STK32B: variants seen among roughly 807,000 people sequenced by gnomAD.
STK32B encodes the protein serine/threonine-protein kinase 32B.
In STK32B, 43 loss-of-function variants were observed where a neutral mutation model predicts 52.6. The ratio of observed to expected loss-of-function variants is 0.82; its 90% CI spans 0.64 to 1.05. The LOEUF (loss-of-function observed/expected upper bound fraction) is 1.05. Ranked by LOEUF, STK32B falls within the 50% of genes least tolerant of loss-of-function variation. The pLI is 0.00. For synonymous variants in STK32B, 238 were observed against 204.3 expected (o/e 1.17, Z -1.41); for missense variants, 621 against 534.6 (o/e 1.16, Z -1.59).
chr4:5,051,709 C>A lies in STK32B; in HGVS notation c.-155C>A. Reference sequence around the variant, plus strand: ...GTCCAGGAGAAGGGGGACGCCGTCCCCGCCCCTGCACGGTGCTCGGCCCCC... The same window carrying A: ...GTCCAGGAGAAGGGGGACGCCGTCCACGCCCCTGCACGGTGCTCGGCCCCC... On this transcript the variant is annotated 5_prime_UTR_variant, in exon 1 of 12. Transcript: ENST00000282908. 1 of 911,166 alleles carries A rather than the reference C, an allele frequency of 1.1e-6. No homozygotes were observed. Among genetic ancestry groups the A allele is most frequent in the Non-Finnish European group, 1.6e-6 (1 of 627,840 alleles). 56.4% of individuals were successfully genotyped at this position (911,166 alleles called of 1,614,324 possible). A position where few individuals can be genotyped will look rare whatever the true frequency, so the allele number is the denominator to read the frequency against.
intron 11 of STK32B, among the ~76,000 whole-genome samples, chr4:5,471,930 C>A (rs565425308): frequency 6.6e-6 from 1 of 152,200 alleles, no homozygotes; most frequent in Non-Finnish European, 1.5e-5. Flanking sequence ...CTACTGGCTG[C>A]GGGATGCTCC....
rs569438011 is a variant in STK32B, at chr4:5,353,551, A to T, written c.434+22158A>T. Among the ~76,000 whole-genome samples the T allele has an allele frequency of 6.2e-3, 937 of 152,084 alleles. 5 individuals carry two copies. The highest frequency in any genetic ancestry group is 9.2e-3 in the Non-Finnish European group (626 of 68,002). ...ATACAAGGAACTCAACAGTAAAAAA[A>T]AAAAATAAAAATAAAAAGTGGGCAA... On this transcript the variant is annotated intron_variant, in intron 4 of 11. Transcript: ENST00000282908.
intron 1 of STK32B, among the ~76,000 whole-genome samples, chr4:5,097,455 A>G (rs1713465698): frequency 6.6e-6 from 1 of 152,104 alleles, no homozygotes; most frequent in Non-Finnish European, 1.5e-5. Context: ...TTCAACAGAA[A>G]TGTCTACACA....
chr4:5,375,895 G>T (rs984531674), intron 4 of STK32B, among the ~76,000 whole-genome samples: 12 of 152,300 alleles, frequency 7.9e-5, no homozygotes, highest in African/African-American at 2.9e-4. Flanking sequence ...AGGGAAGGAA[G>T]TAGGGGTTGG....
intron 1 of STK32B, among the ~76,000 whole-genome samples, chr4:5,086,349 A>T (rs959832354): frequency 2.6e-5 from 4 of 152,180 alleles, no homozygotes; most frequent in Non-Finnish European, 5.9e-5. Context: ...TCTGCAAATG[A>T]TGGAAGATTT....
intron 3 of STK32B, among the ~76,000 whole-genome samples, chr4:5,230,661 G>C (rs1724201565): frequency 1.3e-5 from 2 of 152,186 alleles, no homozygotes; most frequent in African/African-American, 4.8e-5. Flanking sequence ...GCCACATTTT[G>C]AGTGCTGATA....
chr4:5,113,116 T>A (rs1474946913), intron 1 of STK32B, among the ~76,000 whole-genome samples: 1 of 152,070 alleles, frequency 6.6e-6, no homozygotes, highest in African/African-American at 2.4e-5. Flanking sequence ...TAATCCCCAA[T>A]GTGATGGTGT....
chr4:5,260,379 C>A (rs1726633823), intron 3 of STK32B, among the ~76,000 whole-genome samples: 1 of 152,144 alleles, frequency 6.6e-6, no homozygotes, highest in African/African-American at 2.4e-5. Flanking sequence ...CCAGAAGGAG[C>A]ACACAGCTAG....
chr4:5,132,055 A>G (rs183322980), intron 1 of STK32B, among the ~76,000 whole-genome samples: 3 of 152,246 alleles, frequency 2.0e-5, no homozygotes, highest in East Asian at 3.9e-4. Context: ...GTTAGTTTGC[A>G]TGGGGTAATG....
intron 3 of STK32B, among the ~76,000 whole-genome samples, chr4:5,220,774 A>G (rs1262645541): frequency 1.3e-5 from 2 of 152,154 alleles, no homozygotes; most frequent in African/African-American, 2.4e-5. Context: ...GGAGGCAGAA[A>G]GAACAGAGGC....
chr4:5,483,281 T>C (rs1398908242), intron 11 of STK32B, among the ~76,000 whole-genome samples: 1 of 151,746 alleles, frequency 6.6e-6, no homozygotes, highest in East Asian at 1.9e-4. Context: ...TATTGGTCTA[T>C]TCAGAGATTC....
intron 1 of STK32B, among the ~76,000 whole-genome samples, chr4:5,075,669 G>A (rs1166366653): frequency 6.6e-6 from 1 of 151,926 alleles, no homozygotes; most frequent in African/African-American, 2.4e-5. Context: ...TAAAAAAATT[G>A]AAAAATTTAG....
intron 3 of STK32B, among the ~76,000 whole-genome samples, chr4:5,297,947 G>A (rs1577310052): frequency 6.6e-6 from 1 of 151,904 alleles, no homozygotes; most frequent in Non-Finnish European, 1.5e-5. Context: ...TGATGCTGAT[G>A]ACATTTGGAT....
intron 11 of STK32B, among the ~76,000 whole-genome samples, chr4:5,497,078 A>G (rs982465651): frequency 5.9e-5 from 9 of 152,206 alleles, no homozygotes; most frequent in African/African-American, 1.4e-4. Flanking sequence ...CAAGATATCA[A>G]TGAGCTATCA....
chr4:5,153,109 C>A (rs1577111796), intron 2 of STK32B, among the ~76,000 whole-genome samples: 1 of 152,214 alleles, frequency 6.6e-6, no homozygotes, highest in Non-Finnish European at 1.5e-5. Context: ...CTCCCAGATA[C>A]AGAAGTGACG....
intron 4 of STK32B, among the ~76,000 whole-genome samples, chr4:5,391,861 G>A (rs185845629): frequency 2.0e-5 from 3 of 152,282 alleles, no homozygotes; most frequent in Admixed American, 6.5e-5. Context: ...AGCACTTGGC[G>A]GTTATCATTA....
At position 5,396,305 on chromosome 4, in the gene STK32B, C is replaced by T. The variant is rs956468686; in HGVS notation, c.435-1902C>T. ...CACTCCAGTATCTGCTTCCATCTCCCCATGGCCTTCTTCTCTCCTGTGCCT... is the reference window on the plus strand; with the variant it reads ...CACTCCAGTATCTGCTTCCATCTCCTCATGGCCTTCTTCTCTCCTGTGCCT... On this transcript the variant is annotated intron_variant, in intron 4 of 11. Coordinates refer to ENST00000282908, the MANE Select transcript of STK32B (RefSeq NM_018401.3). The surrounding 1 kb of genome is among the most constrained non-coding windows in gnomAD (Gnocchi z 4.7). Among the ~76,000 whole-genome samples, 2 of 152,150 alleles carry T rather than the reference C, an allele frequency of 1.3e-5. No individual in the cohort carries two copies. Among genetic ancestry groups the T allele is most frequent in the Admixed American group, 1.3e-4 (2 of 15,276 alleles).
chr4:5,312,349 C>G (rs1211596669), intron 3 of STK32B, among the ~76,000 whole-genome samples: 1 of 151,608 alleles, frequency 6.6e-6, no homozygotes, highest in Non-Finnish European at 1.5e-5. Context: ...CAGGTAGTTA[C>G]ATATGTATAC....
intron 5 of STK32B, among the ~76,000 whole-genome samples, chr4:5,406,983 C>T (rs1249444654): frequency 1.3e-5 from 2 of 152,152 alleles, no homozygotes; most frequent in Admixed American, 6.6e-5. Context: ...CTGCATTTTC[C>T]AAACTTTTAC....
Sources: allele counts gnomAD v4.1 joint callset (sites outside exome capture counted in the v4.1 genomes callset), GRCh38; gene constraint gnomAD v4.1.1; non-coding constraint Gnocchi (gnomAD v3.1); transcripts MANE v1.5; gene names NCBI Gene and HGNC (gene_info 2026-07-23, HGNC 2026-07-21).